The following ZNF236 variants were observed in gnomAD, a reference collection of about 807,000 sequenced individuals.
ZNF236 encodes zinc finger protein 236.
A neutral mutation model predicts 191.2 loss-of-function variants in ZNF236; 50 were observed. That is an observed-to-expected ratio of 0.26 (90% CI 0.21 to 0.33). The LOEUF (loss-of-function observed/expected upper bound fraction) is 0.33, where lower values mean the gene tolerates loss of function less well. Ranked by LOEUF, ZNF236 falls within the 10% of genes least tolerant of loss-of-function variation. ZNF236 has a pLI of 1.00. For synonymous variants in ZNF236, 907 were observed against 928.8 expected (o/e 0.98, Z 0.43); for missense variants, 1,754 against 2,374.5 (o/e 0.74, Z 5.43).
At chr18:76,822,824 G>C (rs1020488638) in intron 1 of ZNF236, among the ~76,000 whole-genome samples, 162 bp downstream of exon 1, 23 of 146,328 alleles carry the variant, frequency 1.6e-4, no homozygotes, top group African/African-American at 5.4e-4. Context: ...CGGGCGGGCC[G>C]CAGCGCGGGC....
At chr18:76,877,296 G>C (rs557025131) in intron 6 of ZNF236, among the ~76,000 whole-genome samples, 1 of 152,098 alleles carries the variant, frequency 6.6e-6, no homozygotes, top group African/African-American at 2.4e-5. Flanking sequence ...ATCACCTGAG[G>C]TCAGGAGTTC....
chr18:76,851,729 G>C (rs1975878193), intron 2 of ZNF236, 46 bp from the exon 3 acceptor site: 1 of 1,574,662 alleles, frequency 6.4e-7, no homozygotes, highest in East Asian at 2.3e-5. Context: ...AAGCATCTGT[G>C]AAAAGATTGT....
intron 4 of ZNF236, among the ~76,000 whole-genome samples, chr18:76,870,639 G>A (rs567242719): frequency 6.6e-6 from 1 of 152,182 alleles, no homozygotes. Context: ...TGTGTGCAGT[G>A]TGGCTGAGGG....
chr18:76,900,038 A>G (rs1247677186), intron 11 of ZNF236, among the ~76,000 whole-genome samples: 2 of 152,212 alleles, frequency 1.3e-5, no homozygotes, highest in Non-Finnish European at 2.9e-5. Flanking sequence ...TTTAGACCAC[A>G]TCACTTACTA....
chr18:76,868,919 C>A (rs890280787), intron 4 of ZNF236, 56 bp downstream of exon 4: 2 of 1,495,190 alleles, frequency 1.3e-6, no homozygotes, highest in Non-Finnish European at 1.8e-6. Context: ...TAAAAGCTGG[C>A]GCACTTTGGT....
intron 30 of ZNF236, among the ~76,000 whole-genome samples, chr18:76,961,367 T>TTG (rs58383689): frequency 0.051 from 7,457 of 146,844 alleles, 203 homozygotes; most frequent in African/African-American, 0.08. Context: ...TAGTATTCCA[T>TTG]TGTGTGTGTG....
chr18:76,845,663 A>G (rs2122484658), intron 1 of ZNF236, among the ~76,000 whole-genome samples: 1 of 152,234 alleles, frequency 6.6e-6, no homozygotes, highest in African/African-American at 2.4e-5. Context: ...AGCCTGACCA[A>G]CATGGTGAAA....
At chr18:76,893,503 C>A (rs1382447831) in intron 9 of ZNF236, among the ~76,000 whole-genome samples, 2 of 151,624 alleles carry the variant, frequency 1.3e-5, no homozygotes, top group Non-Finnish European at 2.9e-5. Flanking sequence ...TTTTTTCTAC[C>A]TTTCTTTCCT....
intron 9 of ZNF236, among the ~76,000 whole-genome samples, chr18:76,892,124 T>G (rs969195255): frequency 2.0e-5 from 3 of 147,680 alleles, no homozygotes; most frequent in Non-Finnish European, 4.5e-5. Context: ...GCATTTCCAT[T>G]AATTTATCTT....
chr18:76,904,664 T>C, intron 12 of ZNF236, 143 bp downstream of exon 12: 1 of 669,558 alleles, frequency 1.5e-6, no homozygotes, highest in East Asian at 3.4e-5. Flanking sequence ...TTATTGGTAA[T>C]TAATATTTTT....
intron 1 of ZNF236, among the ~76,000 whole-genome samples, chr18:76,826,049 C>G (rs1975007668): frequency 6.6e-6 from 1 of 152,142 alleles, no homozygotes; most frequent in Non-Finnish European, 1.5e-5. Flanking sequence ...AATTTCATTC[C>G]TAAGAAAACT....
chr18:76,874,074 C>T (rs1458843313), intron 5 of ZNF236, among the ~76,000 whole-genome samples: 9 of 151,376 alleles, frequency 5.9e-5, no homozygotes, highest in African/African-American at 1.9e-4. Flanking sequence ...CCAGGCCACA[C>T]TCTCACTGTG....
chr18:76,868,926 T>C, intron 4 of ZNF236, 63 bp downstream of exon 4: 1 of 1,469,428 alleles, frequency 6.8e-7, no homozygotes, highest in Non-Finnish European at 9.1e-7. Context: ...TGGCGCACTT[T>C]GGTACGACCC....
intron 17 of ZNF236, among the ~76,000 whole-genome samples, chr18:76,912,628 G>A (rs1436896103): frequency 6.6e-6 from 1 of 152,158 alleles, no homozygotes; most frequent in Non-Finnish European, 1.5e-5. Context: ...ACTGTTTTAA[G>A]TCATTATTAT....
At chr18:76,837,988 C>T (rs1171838104) in intron 1 of ZNF236, among the ~76,000 whole-genome samples, 2 of 152,204 alleles carry the variant, frequency 1.3e-5, no homozygotes, top group South Asian at 2.1e-4. Context: ...TATCACTTAA[C>T]GTCACCTCAC....
At chr18:76,865,664 G>A (rs1235567431) in intron 3 of ZNF236, among the ~76,000 whole-genome samples, 1 of 152,198 alleles carries the variant, frequency 6.6e-6, no homozygotes, top group African/African-American at 2.4e-5. Context: ...GGTGTAGACA[G>A]TATTGGGGGC....
intron 9 of ZNF236, among the ~76,000 whole-genome samples, chr18:76,894,366 G>A (rs1977337953): frequency 6.6e-6 from 1 of 152,162 alleles, no homozygotes; most frequent in Non-Finnish European, 1.5e-5. Flanking sequence ...GTTCTCAGAT[G>A]GAACCACTCG....
intron 21 of ZNF236, among the ~76,000 whole-genome samples, chr18:76,924,480 G>A (rs774563004): frequency 2.6e-5 from 4 of 152,184 alleles, no homozygotes; most frequent in Non-Finnish European, 5.9e-5. Flanking sequence ...CTAGTCCCTC[G>A]GTGGATCCTA....
At chr18:76,959,627 G>T (rs1423377780) in intron 28 of ZNF236, 60 bp from the exon 29 acceptor site, 1 of 1,544,498 alleles carries the variant, frequency 6.5e-7, no homozygotes, top group African/African-American at 1.4e-5. Context: ...GCTTCCTCTT[G>T]TTTCTAGTCT....
Sources: allele counts gnomAD v4.1 joint callset (sites outside exome capture counted in the v4.1 genomes callset), GRCh38; gene constraint gnomAD v4.1.1; transcripts MANE v1.5; gene names NCBI Gene and HGNC (gene_info 2026-07-23, HGNC 2026-07-21).